The following NUFIP2 variants were observed in gnomAD, a reference collection of about 807,000 sequenced individuals.
NUFIP2 encodes the protein FMR1-interacting protein NUFIP2.
NUFIP2 carries 6 observed loss-of-function variants against 56.9 expected under a neutral mutation model. That is an observed-to-expected ratio of 0.11 (90% confidence interval 0.06 to 0.21). NUFIP2 has a LOEUF of 0.21. Ranked by LOEUF, NUFIP2 falls within the 10% of genes least tolerant of loss-of-function variation. The probability of loss-of-function intolerance (pLI) is 1.00; values close to 1 mark genes in which losing one functional copy is unlikely to be tolerated. For synonymous variants in NUFIP2, 321 were observed against 298.2 expected (o/e 1.08, Z -0.79); for missense variants, 828 against 826.8 (o/e 1.00, Z -0.02).
intron 2 of NUFIP2, among the ~76,000 whole-genome samples, chr17:29,276,152 C>T (rs1302991804): frequency 6.6e-6 from 1 of 151,958 alleles, no homozygotes; most frequent in East Asian, 1.9e-4. Flanking sequence ...TAGCACTTGA[C>T]ACAATAGCTA....
intron 3 of NUFIP2, among the ~76,000 whole-genome samples, chr17:29,265,493 G>A (rs918028757): frequency 1.4e-5 from 2 of 147,182 alleles, no homozygotes; most frequent in African/African-American, 4.9e-5. Context: ...TAGTAGACAC[G>A]GGGTTTCACC....
At chr17:29,272,783 G>C (rs1424771070) in intron 2 of NUFIP2, among the ~76,000 whole-genome samples, 2 of 151,516 alleles carry the variant, frequency 1.3e-5, no homozygotes, top group African/African-American at 4.8e-5. Flanking sequence ...TTTGGATCTT[G>C]AAGCATTTTG....
intron 1 of NUFIP2, 59 bp from the exon 2 acceptor site, chr17:29,287,775 T>C: frequency 1.4e-6 from 2 of 1,415,348 alleles, no homozygotes; most frequent in Non-Finnish European, 1.9e-6. Context: ...ATTACACTAA[T>C]ACCTAACATT....
rs1317859901 is a variant in NUFIP2 at position 29,294,022 on chromosome 17, T to C, written c.38A>G (p.His13Arg). ...ATGGTGCGGATGGTGGTGGCTGTGA[T>C]GGTGCTGAGGCTGTGGCTGGCCGGG... ...EKPGQPQPQH[H>R]HSHHHPHHHP... is the part of the protein sequence containing the mutation. The change falls in exon 1 of 4, where the codon CAT (histidine) becomes CGT (arginine). Residue 13 changes from histidine (H) to arginine (R), a missense_variant. This residue lies in a region of NUFIP2 where 415 missense variants were observed against 408.7 expected (regional missense o/e 1.02). Coordinates refer to ENST00000225388, the MANE Select transcript of NUFIP2 (RefSeq NM_020772.3). The C allele has an allele frequency of 2.5e-6, 4 of 1,612,246 alleles. No individual in the cohort carries two copies. The East Asian group carries it at 6.7e-5, about 27-fold the overall frequency.
In NUFIP2 at chr17:29,286,567, G is replaced by A. The variant is rs1158517609; in HGVS notation, c.1427C>T (p.Ser476Leu). Residue 476 changes from serine (S) to leucine (L), a missense_variant, in exon 2 of 4, where the codon TCA becomes TTA. Ser to Leu is a moderately radical substitution (Grantham distance 145). This residue lies in a region of NUFIP2 where 404 missense variants were observed against 380.3 expected (regional missense o/e 1.06). Coordinates refer to ENST00000225388, the MANE Select transcript of NUFIP2 (RefSeq NM_020772.3). ...QIKTSLFIYP[S>L]NMQTMLLSTA... is the part of the protein sequence containing the mutation. ...GCTCAACAGCATAGTTTGCATATTT[G>A]AAGGATAGATAAAAAGGCTAGTCTT... 1 of 1,614,146 alleles carries A rather than the reference G, an allele frequency of 6.2e-7. No individual in the cohort carries two copies.
At chr17:29,283,257 T>A (rs1458413127) in intron 2 of NUFIP2, among the ~76,000 whole-genome samples, 1 of 152,208 alleles carries the variant, frequency 6.6e-6, no homozygotes, top group African/African-American at 2.4e-5. Context: ...CATTCCAATT[T>A]AAAAATGGCC....
chr17:29,280,581 G>A (rs2069133791), intron 2 of NUFIP2, among the ~76,000 whole-genome samples: 1 of 152,126 alleles, frequency 6.6e-6, no homozygotes, highest in African/African-American at 2.4e-5. Flanking sequence ...AGCTACACAG[G>A]AGGCTGAGGC....
rs1384728788 is a variant in NUFIP2, at chr17:29,255,849, A to G, written c.*8690T>C. On this transcript the variant is annotated 3_prime_UTR_variant, in exon 4 of 4. Coordinates refer to ENST00000225388, the MANE Select transcript of NUFIP2 (RefSeq NM_020772.3). ...ATAACAAACACCTCAGAAACTTTAA[A>G]ATTTTTTATTCAACAATGTACACTT... 1 of 152,232 alleles carries G rather than the reference A, an allele frequency of 6.6e-6. No individual in the cohort carries two copies. The highest frequency in any genetic ancestry group is 2.4e-5 in the African/African-American group (1 of 41,452). The allele number at this position is 152,232 out of a possible 1,614,324, so 9.4% of individuals were successfully genotyped here.
chr17:29,271,354 T>C (rs1305592932), intron 2 of NUFIP2, among the ~76,000 whole-genome samples: 4 of 151,896 alleles, frequency 2.6e-5, no homozygotes, highest in Admixed American at 2.6e-4. Flanking sequence ...CTGGCCAACA[T>C]GGTGAAACCC....
rs1422492941 is a variant in NUFIP2 at position 29,264,689 on chromosome 17, A to T, written c.2036-98T>A. ...AAATAACCATCATTTAAACTGACCA[A>T]TTTTTTTATGAAAACAAAACTTCAA... On this transcript the variant is annotated intron_variant, in intron 3 of 3. Coordinates refer to ENST00000225388, the MANE Select transcript of NUFIP2 (RefSeq NM_020772.3). 1.4e-5 allele frequency: 10 copies of T among 710,846 alleles called. No individual in the cohort carries two copies. In the East Asian group the frequency reaches 2.3e-4, roughly 16 times the overall value. The allele number at this position is 710,846 out of a possible 1,614,324, so 44.0% of individuals were successfully genotyped here. A position where few individuals can be genotyped will look rare whatever the true frequency, so the allele number is the denominator to read the frequency against.
intron 1 of NUFIP2, among the ~76,000 whole-genome samples, chr17:29,291,279 T>C (rs1006926024): frequency 1.3e-5 from 2 of 152,142 alleles, no homozygotes; most frequent in Admixed American, 6.6e-5. Context: ...TCCTGATACA[T>C]CTAGCTTTTC....
chr17:29,290,481 CCTA>C (rs1283008328), intron 1 of NUFIP2, among the ~76,000 whole-genome samples: 1 of 151,084 alleles, frequency 6.6e-6, no homozygotes, highest in Non-Finnish European at 1.5e-5. Flanking sequence ...ATGGTGAAGT[CCTA>C]TCTCTACTAA....
At chr17:29,285,857 C>A (rs1390894931) in intron 2 of NUFIP2, 135 bp downstream of exon 2, 3 of 653,272 alleles carry the variant, frequency 4.6e-6, no homozygotes, top group Non-Finnish European at 5.1e-6. Context: ...TAGTTTGACA[C>A]CAGCTGCTTA....
chr17:29,285,642 AAGG>A (rs1314721717), intron 2 of NUFIP2, among the ~76,000 whole-genome samples: 2 of 152,124 alleles, frequency 1.3e-5, no homozygotes, highest in Admixed American at 1.3e-4. Flanking sequence ...AAAGCCACGG[AAGG>A]AGAACATATG....
At chr17:29,292,980 G>A (rs1407787602) in intron 1 of NUFIP2, among the ~76,000 whole-genome samples, 8 of 149,494 alleles carry the variant, frequency 5.4e-5, no homozygotes, top group Non-Finnish European at 1.2e-4. Context: ...CGGCTCCGCC[G>A]CCCCGTGTGG....
chr17:29,281,105 G>C (rs751121449), intron 2 of NUFIP2, among the ~76,000 whole-genome samples: 1 of 148,282 alleles, frequency 6.7e-6, no homozygotes, highest in African/African-American at 2.5e-5. Context: ...GACCAGCCTG[G>C]GTAAAATACA....
chr17:29,290,928 A>T (rs1376494360), intron 1 of NUFIP2, among the ~76,000 whole-genome samples: 1 of 151,868 alleles, frequency 6.6e-6, no homozygotes, highest in Non-Finnish European at 1.5e-5. Context: ...TAACAAGAAT[A>T]ATTCTTCCTA....
chr17:29,273,874 C>T (rs2069091398), intron 2 of NUFIP2, among the ~76,000 whole-genome samples: 2 of 152,020 alleles, frequency 1.3e-5, no homozygotes, highest in African/African-American at 4.8e-5. Context: ...TACATAATAC[C>T]TCCCTATCAC....
At chr17:29,285,934 A>G (rs1232228725) in intron 2 of NUFIP2, 58 bp downstream of exon 2, 1 of 1,295,272 alleles carries the variant, frequency 7.7e-7, no homozygotes, top group Non-Finnish European at 1.1e-6. Flanking sequence ...TTCTCTTAAT[A>G]TAAACAATAT....
Sources: allele counts gnomAD v4.1 joint callset (sites outside exome capture counted in the v4.1 genomes callset), GRCh38; gene constraint gnomAD v4.1.1; regional missense constraint gnomAD v4.1.1; transcripts MANE v1.5; gene names NCBI Gene and HGNC (gene_info 2026-07-23, HGNC 2026-07-21).